GPC5: variants seen among roughly 807,000 people sequenced by gnomAD.
GPC5 encodes the protein glypican 5, also known as glypican-5.
GPC5 carries 47 observed loss-of-function variants against 53.9 expected under a neutral mutation model. The observed-to-expected ratio is 0.87, with a 90% confidence interval of 0.69 to 1.11. GPC5 has a LOEUF of 1.11. GPC5 is among the 50% of genes most tolerant of loss of function. The pLI is 0.00. For synonymous variants in GPC5, 286 were observed against 263.3 expected (o/e 1.09, Z -0.84); for missense variants, 748 against 713.1 (o/e 1.05, Z -0.56).
chr13:92,855,494 A>G (rs1878968083), intron 7 of GPC5, among the ~76,000 whole-genome samples: 2 of 152,046 alleles, frequency 1.3e-5, no homozygotes, highest in Admixed American at 1.3e-4. Context: ...TTCAGCCAAC[A>G]TTAATAGACA....
At chr13:91,611,712 C>G (rs1020244797) in intron 2 of GPC5, among the ~76,000 whole-genome samples, 9 of 152,168 alleles carry the variant, frequency 5.9e-5, no homozygotes, top group Admixed American at 6.5e-5. Flanking sequence ...GAATTGTTCT[C>G]CTGACTGTCA....
intron 7 of GPC5, among the ~76,000 whole-genome samples, chr13:92,710,088 C>T (rs1888083224): frequency 6.6e-6 from 1 of 152,160 alleles, no homozygotes; most frequent in African/African-American, 2.4e-5. Flanking sequence ...AGTTTCTAGC[C>T]TGTACATAAA....
intron 3 of GPC5, among the ~76,000 whole-genome samples, chr13:91,726,129 C>T (rs1353076699): frequency 6.6e-6 from 1 of 152,116 alleles, no homozygotes; most frequent in African/African-American, 2.4e-5. Context: ...TTATACTTCA[C>T]TATCACTATT....
At chr13:92,059,066 A>C (rs908971868) in intron 6 of GPC5, among the ~76,000 whole-genome samples, 2 of 152,106 alleles carry the variant, frequency 1.3e-5, no homozygotes, top group Non-Finnish European at 2.9e-5. Context: ...AGACTTGACC[A>C]TTAGGATATG....
intron 7 of GPC5, among the ~76,000 whole-genome samples, chr13:92,206,170 T>A (rs71447392): frequency 1.1e-4 from 14 of 132,568 alleles, no homozygotes; most frequent in Non-Finnish European, 3.2e-5. Context: ...TTTTTTTATT[T>A]TTTTTTTTTT....
At chr13:91,697,350 A>T (rs1026670738) in intron 3 of GPC5, among the ~76,000 whole-genome samples, 3 of 151,958 alleles carry the variant, frequency 2.0e-5, no homozygotes, top group African/African-American at 4.8e-5. Context: ...ACTGTATTGG[A>T]CAGGCTGGTC....
chr13:92,545,705 G>T (rs1159892975), intron 7 of GPC5, among the ~76,000 whole-genome samples: 1 of 152,136 alleles, frequency 6.6e-6, no homozygotes, highest in Non-Finnish European at 1.5e-5. Flanking sequence ...TGTTTTGGCT[G>T]CATAAATGTC....
chr13:91,678,928 G>T (rs1025095485), intron 2 of GPC5, among the ~76,000 whole-genome samples: 1 of 152,078 alleles, frequency 6.6e-6, no homozygotes, highest in South Asian at 2.1e-4. Context: ...TGGAGACTCT[G>T]CAATGTGAAT....
intron 6 of GPC5, among the ~76,000 whole-genome samples, chr13:92,141,732 TGAAAGC>T (rs1297203765): frequency 1.3e-5 from 2 of 152,290 alleles, no homozygotes; most frequent in East Asian, 3.9e-4. Flanking sequence ...CTCACAAGGC[TGAAAGC>T]AGGTTGTCAG....
At chr13:92,411,679 T>G (rs1311421352) in intron 7 of GPC5, among the ~76,000 whole-genome samples, 1 of 152,200 alleles carries the variant, frequency 6.6e-6, no homozygotes, top group Non-Finnish European at 1.5e-5. Flanking sequence ...AGGTTAATGT[T>G]TTTTCAGTTT....
rs973691324 is a variant in GPC5 at position 91,799,044 on chromosome 13, A to G, written c.1280+42624A>G. 2.0e-5 allele frequency among the ~76,000 whole-genome samples: 3 copies of G among 151,934 alleles called. No individual in the cohort carries two copies. In the East Asian group the frequency reaches 5.8e-4, roughly 29 times the overall value. Reference sequence around the variant, plus strand: ...TGTCACACACACTCATATGTTCCTTACCGTACTATTCACAATAGCAAAGAC... The same window carrying G: ...TGTCACACACACTCATATGTTCCTTGCCGTACTATTCACAATAGCAAAGAC... On this transcript the variant is annotated intron_variant, in intron 5 of 7. Coordinates refer to ENST00000377067, the MANE Select transcript of GPC5 (RefSeq NM_004466.6).
intron 1 of GPC5, among the ~76,000 whole-genome samples, chr13:91,400,762 G>A (rs1876879487): frequency 1.3e-5 from 2 of 152,108 alleles, no homozygotes; most frequent in Non-Finnish European, 2.9e-5. Flanking sequence ...AGTATTTCTG[G>A]TATCTGCTGA....
At chr13:92,826,724 C>G (rs1217252873) in intron 7 of GPC5, among the ~76,000 whole-genome samples, 3 of 152,122 alleles carry the variant, frequency 2.0e-5, no homozygotes, top group Non-Finnish European at 4.4e-5. Context: ...AATGCCTACA[C>G]TTTAATTTTT....
chr13:92,270,995 G>T (rs1213377361), intron 7 of GPC5, among the ~76,000 whole-genome samples: 1 of 152,120 alleles, frequency 6.6e-6, no homozygotes, highest in African/African-American at 2.4e-5. Context: ...AGAAATATTT[G>T]GTTTGGCCTT....
At chr13:92,674,271 A>G (rs1193154144) in intron 7 of GPC5, among the ~76,000 whole-genome samples, 1 of 152,180 alleles carries the variant, frequency 6.6e-6, no homozygotes, top group Non-Finnish European at 1.5e-5. Context: ...GCAACTTTAG[A>G]AAGATGGGTT....
intron 7 of GPC5, among the ~76,000 whole-genome samples, chr13:92,625,030 T>C (rs1885002294): frequency 6.6e-6 from 1 of 152,230 alleles, no homozygotes; most frequent in Non-Finnish European, 1.5e-5. Context: ...AGCTTGCTTT[T>C]TATTATTGCT....
chr13:92,774,265 T>G (rs973760639), intron 7 of GPC5, among the ~76,000 whole-genome samples: 4 of 152,194 alleles, frequency 2.6e-5, no homozygotes, highest in Admixed American at 2.6e-4. Context: ...GCCCTGTAGG[T>G]CTATAACAAT....
intron 5 of GPC5, among the ~76,000 whole-genome samples, chr13:91,852,770 A>G (rs1424198082): frequency 6.6e-6 from 1 of 152,170 alleles, no homozygotes; most frequent in East Asian, 1.9e-4. Flanking sequence ...TTTCAGCTCC[A>G]TTATAACTTT....
intron 2 of GPC5, among the ~76,000 whole-genome samples, chr13:91,495,553 A>G (rs1884205038): frequency 6.6e-6 from 1 of 152,222 alleles, no homozygotes; most frequent in Non-Finnish European, 1.5e-5. Context: ...TTCCTCAAGC[A>G]CTAATGCAGG....
Sources: allele counts gnomAD v4.1 joint callset (sites outside exome capture counted in the v4.1 genomes callset), GRCh38; gene constraint gnomAD v4.1.1; transcripts MANE v1.5; gene names NCBI Gene and HGNC (gene_info 2026-07-23, HGNC 2026-07-21).